The following ZNF420 variants were observed in gnomAD, a reference collection of about 807,000 sequenced individuals.
ZNF420 encodes the protein zinc finger protein 420, also known as ATM and p53-associated KZNF protein.
ZNF420 carries 31 observed loss-of-function variants against 44.7 expected under a neutral mutation model. The observed-to-expected ratio is 0.69, with a 90% CI of 0.52 to 0.94. The LOEUF (loss-of-function observed/expected upper bound fraction) is 0.94. ZNF420 is among the 40% of genes least tolerant of loss of function. The pLI is 0.00. For synonymous variants in ZNF420, 245 were observed against 267.4 expected, an observed-to-expected ratio of 0.92 and a Z score of 0.82; for missense variants, 681 against 827.9, an observed-to-expected ratio of 0.82 and a Z score of 2.18.
At chr19:37,093,358 G>A (rs1387466340) in intron 4 of ZNF420, among the ~76,000 whole-genome samples, 2 of 152,088 alleles carry the variant, frequency 1.3e-5, no homozygotes, top group African/African-American at 4.8e-5. Context: ...CAGCAGCTGG[G>A]ATTACAGGCA....
upstream of ZNF420, among the ~76,000 whole-genome samples, chr19:37,076,869 A>T (rs1968170330): frequency 6.6e-6 from 1 of 152,168 alleles, no homozygotes; most frequent in Non-Finnish European, 1.5e-5. Flanking sequence ...TTCTTGCCTG[A>T]CTTTGACCCA....
intron 2 of ZNF420, among the ~76,000 whole-genome samples, chr19:37,081,692 A>ATT (rs1568442797): frequency 4.8e-4 from 63 of 131,126 alleles, no homozygotes; most frequent in African/African-American, 1.8e-3. Flanking sequence ...TGCCCAGCTA[A>ATT]TTTTTGTATT....
chr19:37,129,825 T>G lies in ZNF420; in HGVS notation c.*767T>G, dbSNP rs1971569049. 1 of 537,264 alleles carries G rather than the reference T, an allele frequency of 1.9e-6. No individual in the cohort carries two copies. The allele number at this position is 537,264 out of a possible 1,614,324, so 33.3% of individuals were successfully genotyped here. A position where few individuals can be genotyped will look rare whatever the true frequency, so the allele number is the denominator to read the frequency against. On this transcript the variant is annotated 3_prime_UTR_variant, in exon 5 of 5. Transcript: ENST00000337995. Reference sequence around the variant, plus strand: ...TAGAGAAGTGGGACAAGGTGTGAAGTGATTTTTAACGAAGTCTAAGATCCA... The same window carrying G: ...TAGAGAAGTGGGACAAGGTGTGAAGGGATTTTTAACGAAGTCTAAGATCCA...
chr19:37,118,732 G>A (rs370366916), intron 4 of ZNF420, among the ~76,000 whole-genome samples: 20 of 151,598 alleles, frequency 1.3e-4, no homozygotes, highest in South Asian at 8.4e-4. Context: ...CCCATCTCAC[G>A]TGCAGAGACA....
At chr19:37,113,388 A>G (rs1211061488) in intron 4 of ZNF420, among the ~76,000 whole-genome samples, 1 of 152,220 alleles carries the variant, frequency 6.6e-6, no homozygotes, top group Non-Finnish European at 1.5e-5. Flanking sequence ...AGCGATAAGC[A>G]TAGCTTTATG....
At position 37,127,849 on chromosome 19, in the gene ZNF420, G is replaced by A. The variant is rs1346559518; in HGVS notation, c.858G>A (p.Lys286=). ...TCTATGAATGTAAAGAATGTAGGAAGGTCTTTACTCAGCTCTCACAACTTA... is the reference window on the plus strand; with the variant it reads ...TCTATGAATGTAAAGAATGTAGGAAAGTCTTTACTCAGCTCTCACAACTTA... ...EKLYECKECR[K]VFTQLSQLIL... The change falls in exon 5 of 5, where the codon AAG becomes AAA. Residue 286 remains lysine (K), a synonymous_variant. Coordinates refer to ENST00000337995, the MANE Select transcript of ZNF420 (RefSeq NM_144689.5). The A allele has an allele frequency of 6.2e-7, 1 of 1,613,728 alleles. No individual in the cohort carries two copies. The highest frequency in any genetic ancestry group is 8.5e-7 in the Non-Finnish European group (1 of 1,179,928).
At chr19:37,118,866 A>G (rs888526358) in intron 4 of ZNF420, among the ~76,000 whole-genome samples, 7 of 151,124 alleles carry the variant, frequency 4.6e-5, no homozygotes, top group African/African-American at 1.7e-4. Flanking sequence ...ATCAAAAGAG[A>G]CAAAGAAGGC....
intron 1 of ZNF420, among the ~76,000 whole-genome samples, chr19:37,057,037 T>C (rs887522835): frequency 3.3e-5 from 5 of 152,218 alleles, no homozygotes; most frequent in Non-Finnish European, 5.9e-5. Flanking sequence ...CCCATCACAG[T>C]GAGTCCCACG....
chr19:37,026,643 G>C (rs1456183495), intron 1 of ZNF420, among the ~76,000 whole-genome samples: 3 of 151,972 alleles, frequency 2.0e-5, no homozygotes, highest in African/African-American at 4.8e-5. Context: ...TGTATGTTTA[G>C]TAGGTATGGG....
chr19:37,069,597 C>G (rs997842589), intron 1 of ZNF420, among the ~76,000 whole-genome samples: 3 of 151,968 alleles, frequency 2.0e-5, no homozygotes, highest in Non-Finnish European at 4.4e-5. Flanking sequence ...TAACACAAAC[C>G]CTATTTTATA....
chr19:37,071,910 CTA>C (rs1425645107), intron 1 of ZNF420, among the ~76,000 whole-genome samples: 1 of 152,132 alleles, frequency 6.6e-6, no homozygotes, highest in African/African-American at 2.4e-5. Context: ...TGTATCTACT[CTA>C]TATTTAATAG....
chr19:37,026,992 T>TG (rs1967172128), intron 1 of ZNF420, among the ~76,000 whole-genome samples: 1 of 152,246 alleles, frequency 6.6e-6, no homozygotes, highest in Admixed American at 6.5e-5. Flanking sequence ...TTATTGAACA[T>TG]GCAATGACTT....
intron 4 of ZNF420, among the ~76,000 whole-genome samples, chr19:37,106,449 C>A (rs1383256644): frequency 6.6e-6 from 1 of 152,146 alleles, no homozygotes; most frequent in Admixed American, 6.6e-5. Flanking sequence ...TCTTTTGAAT[C>A]TGGTTCAGTC....
intron 1 of ZNF420, among the ~76,000 whole-genome samples, chr19:37,017,516 T>G (rs1000576070): frequency 2.6e-5 from 4 of 152,214 alleles, no homozygotes; most frequent in Admixed American, 2.6e-4. Context: ...GGTTAAATAT[T>G]TGAAATCCTA....
intron 1 of ZNF420, among the ~76,000 whole-genome samples, chr19:37,035,893 A>G (rs1352605945): frequency 6.6e-6 from 1 of 152,258 alleles, no homozygotes; most frequent in Non-Finnish European, 1.5e-5. Context: ...TCAAAAGAAT[A>G]TCAGAAATTG....
intron 1 of ZNF420, among the ~76,000 whole-genome samples, chr19:37,058,631 C>G (rs1414980443): frequency 1.3e-5 from 2 of 152,134 alleles, no homozygotes; most frequent in Admixed American, 6.5e-5. Flanking sequence ...AGGCACGGGC[C>G]CATTCCTGGT....
At chr19:37,021,827 C>G (rs2074650963) in intron 1 of ZNF420, among the ~76,000 whole-genome samples, 2 of 150,232 alleles carry the variant, frequency 1.3e-5, no homozygotes. Flanking sequence ...GTCCCAGCTA[C>G]TCGGGAGGCT....
chr19:37,030,715 C>G lies in ZNF420; in HGVS notation c.-125+22633C>G, dbSNP rs183512480. Among the ~76,000 whole-genome samples, 87 of 152,276 alleles carry G rather than the reference C, an allele frequency of 5.7e-4. 1 individual carries two copies. The highest frequency in any genetic ancestry group is 1.1e-3 in the Non-Finnish European group (75 of 68,028). Reference sequence around the variant, plus strand: ...TACTCACATACAATTTCAAATACATCTATGTGTTACATGCATATATAAGTA... The same window carrying G: ...TACTCACATACAATTTCAAATACATGTATGTGTTACATGCATATATAAGTA... On this transcript the variant is annotated intron_variant, in intron 1 of 4. Coordinates refer to the ZNF420 transcript ENST00000587029.
intron 1 of ZNF420, among the ~76,000 whole-genome samples, chr19:37,028,758 C>G (rs1162335526): frequency 1.3e-5 from 2 of 152,130 alleles, no homozygotes; most frequent in African/African-American, 4.8e-5. Flanking sequence ...GTAGATACTA[C>G]TATGTTTGTA....
Sources: gnomAD v4.1 joint callset for allele counts (sites outside exome capture counted in the v4.1 genomes callset) on GRCh38, gnomAD v4.1.1 for gene constraint, MANE v1.5 for transcripts, NCBI Gene and HGNC (gene_info 2026-07-23, HGNC 2026-07-21) for gene names.